STK39: variants seen among roughly 807,000 people sequenced by gnomAD.
The protein encoded by STK39 is serine/threonine kinase 39, also known as STE20/SPS1-related proline-alanine-rich protein kinase.
Under a neutral mutation model 77.8 loss-of-function variants are expected in STK39, and 20 were observed. The ratio of observed to expected loss-of-function variants is 0.26; its 90% CI spans 0.18 to 0.37. STK39 has a LOEUF of 0.37. Among genes scored for constraint, STK39 ranks in the 10% least tolerant of loss-of-function variants. The pLI is 1.00. For synonymous variants in STK39, 246 were observed against 234.1 expected, an observed-to-expected ratio of 1.05 and a Z score of -0.47; for missense variants, 479 against 656.5, an observed-to-expected ratio of 0.73 and a Z score of 2.95.
At chr2:168,000,690 C>G (rs1169570646) in intron 16 of STK39, among the ~76,000 whole-genome samples, 2 of 152,106 alleles carry the variant, frequency 1.3e-5, no homozygotes, top group Non-Finnish European at 2.9e-5. Context: ...TCCTTCTGAC[C>G]CTACATATCG....
At chr2:168,077,752 C>T (rs754530252) in intron 10 of STK39, among the ~76,000 whole-genome samples, 6 of 151,990 alleles carry the variant, frequency 3.9e-5, no homozygotes, top group Admixed American at 6.5e-5. Flanking sequence ...ACCAAAGGGA[C>T]GGGAAATCAA....
chr2:167,963,423 A>G (rs1692053472), intron 17 of STK39, among the ~76,000 whole-genome samples: 1 of 152,074 alleles, frequency 6.6e-6, no homozygotes, highest in Non-Finnish European at 1.5e-5. Context: ...CAAATTAGGA[A>G]AATGTTCTTG....
intron 15 of STK39, among the ~76,000 whole-genome samples, chr2:168,013,619 C>T (rs776028336): frequency 7.9e-5 from 12 of 152,244 alleles, no homozygotes; most frequent in East Asian, 1.9e-4. Flanking sequence ...ACACTCTAGA[C>T]GGGGGTTTGA....
chr2:168,049,413 T>C (rs181973155), intron 14 of STK39, among the ~76,000 whole-genome samples: 1 of 152,208 alleles, frequency 6.6e-6, no homozygotes, highest in South Asian at 2.1e-4. Context: ...ACAAAATCCT[T>C]AACCAAGTAT....
At chr2:168,213,686 AT>A (rs1164220849) in intron 1 of STK39, among the ~76,000 whole-genome samples, 44 of 124,736 alleles carry the variant, frequency 3.5e-4, no homozygotes, top group African/African-American at 1.6e-3. Flanking sequence ...AGCCAGCCAT[AT>A]TTAAAAAAAA....
chr2:168,213,853 C>T (rs185839293), intron 1 of STK39, among the ~76,000 whole-genome samples: 3 of 152,118 alleles, frequency 2.0e-5, no homozygotes, highest in African/African-American at 7.2e-5. Context: ...TTCTTTAATC[C>T]TTAATGTTCC....
intron 14 of STK39, among the ~76,000 whole-genome samples, chr2:168,023,503 T>C (rs1350640968): frequency 6.6e-6 from 1 of 152,188 alleles, no homozygotes; most frequent in Non-Finnish European, 1.5e-5. Context: ...ATGTAGCTTT[T>C]ATCTGCACCT....
At chr2:168,138,339 A>G (rs2105525549) in intron 7 of STK39, 118 bp from the exon 8 acceptor site, 1 of 1,347,068 alleles carries the variant, frequency 7.4e-7, no homozygotes. Context: ...GTGCTTTCCC[A>G]TGATTTTAAC....
chr2:168,065,949 C>A (rs1479260540), intron 12 of STK39, among the ~76,000 whole-genome samples: 6 of 152,074 alleles, frequency 3.9e-5, no homozygotes, highest in Admixed American at 3.3e-4. Context: ...TCTAAGGTTA[C>A]CCCCAAATTA....
At chr2:168,118,575 G>A (rs1469332252) in intron 10 of STK39, among the ~76,000 whole-genome samples, 3 of 132,644 alleles carry the variant, frequency 2.3e-5, no homozygotes, top group Non-Finnish European at 4.7e-5. Context: ...AACCAGAAAG[G>A]AGTCACTTTC....
At chr2:168,061,251 A>T (rs1344302722) in intron 14 of STK39, among the ~76,000 whole-genome samples, 1 of 152,072 alleles carries the variant, frequency 6.6e-6, no homozygotes, top group Non-Finnish European at 1.5e-5. Context: ...ACAAAAAAAA[A>T]AAAAACCACA....
chr2:168,096,234 A>G (rs1406244704), intron 10 of STK39, among the ~76,000 whole-genome samples: 1 of 152,182 alleles, frequency 6.6e-6, no homozygotes, highest in Non-Finnish European at 1.5e-5. Flanking sequence ...AAAGACTAGA[A>G]CAAGGATGTG....
intron 1 of STK39, among the ~76,000 whole-genome samples, chr2:168,230,918 T>C (rs1402995778): frequency 6.6e-6 from 1 of 152,156 alleles, no homozygotes; most frequent in African/African-American, 2.4e-5. Context: ...TAGTCTTTGC[T>C]TCGGAATGAG....
intron 17 of STK39, among the ~76,000 whole-genome samples, chr2:167,957,471 C>CATTT (rs1559032797): frequency 6.6e-6 from 1 of 152,160 alleles, no homozygotes; most frequent in Non-Finnish European, 1.5e-5. Flanking sequence ...CTTCCCTATC[C>CATTT]ATTTTCTCCT....
At chr2:167,985,869 T>C (rs1051941408) in intron 16 of STK39, among the ~76,000 whole-genome samples, 2 of 152,208 alleles carry the variant, frequency 1.3e-5, no homozygotes, top group Non-Finnish European at 2.9e-5. Context: ...AACCTTATAC[T>C]TAAAACTCTT....
At chr2:168,034,085 TCCA>T (rs994099204) in intron 14 of STK39, among the ~76,000 whole-genome samples, 18 of 152,284 alleles carry the variant, frequency 1.2e-4, no homozygotes, top group African/African-American at 4.3e-4. Flanking sequence ...TATCAAATCC[TCCA>T]CTGAGTCCTA....
At chr2:168,013,000 A>G (rs1054222883) in intron 15 of STK39, among the ~76,000 whole-genome samples, 2 of 152,236 alleles carry the variant, frequency 1.3e-5, no homozygotes, top group Admixed American at 6.5e-5. Flanking sequence ...CACCTCCAGA[A>G]GTTATAACTG....
Position 168,113,968 on chromosome 2 carries a change from C to T in STK39, c.1089+15573G>A, listed in dbSNP as rs575698880. On this transcript the variant is annotated intron_variant, in intron 10 of 17. Coordinates refer to ENST00000355999, the MANE Select transcript of STK39 (RefSeq NM_013233.3). ...TGTCATTTATTACCAAAAATGTTTA[C>T]TTTGTTCAAACAGATGCATTCATTG... Among the ~76,000 whole-genome samples, 4 of 152,320 alleles carry T rather than the reference C, an allele frequency of 2.6e-5. No individual in the cohort carries two copies. The East Asian group carries it at 7.7e-4, about 29-fold the overall frequency.
chr2:168,023,438 T>C (rs573771549), intron 14 of STK39, among the ~76,000 whole-genome samples: 1 of 152,280 alleles, frequency 6.6e-6, no homozygotes, highest in Non-Finnish European at 1.5e-5. Context: ...CACCCATCCC[T>C]TCCCAGTGGT....
Sources: gnomAD v4.1 joint callset for allele counts (sites outside exome capture counted in the v4.1 genomes callset) on GRCh38, gnomAD v4.1.1 for gene constraint, MANE v1.5 for transcripts, NCBI Gene and HGNC (gene_info 2026-07-23, HGNC 2026-07-21) for gene names.